VAPB: variants seen among roughly 807,000 people sequenced by gnomAD.
The protein encoded by VAPB is vesicle-associated membrane protein-associated protein B/C.
In VAPB, 7 loss-of-function variants were observed where a neutral mutation model predicts 25.6. That is an observed-to-expected ratio of 0.27 (90% confidence interval 0.16 to 0.51). VAPB has a LOEUF of 0.51. VAPB is among the 20% of genes least tolerant of loss of function. The pLI, the probability that VAPB is intolerant of heterozygous loss-of-function variation, is 0.97. For synonymous variants in VAPB, 112 were observed against 109.2 expected (o/e 1.03, Z -0.16); for missense variants, 266 against 301.3 (o/e 0.88, Z 0.87).
intron 3 of VAPB, among the ~76,000 whole-genome samples, chr20:58,436,094 C>T (rs1184646224): frequency 6.6e-6 from 1 of 151,986 alleles, no homozygotes; most frequent in African/African-American, 2.4e-5. Flanking sequence ...CTGGTGGGTC[C>T]AGTGTCTGAC....
At chr20:58,413,139 C>CTTTTTTTTTTTTTT (rs11481028) in intron 1 of VAPB, among the ~76,000 whole-genome samples, 1 of 132,588 alleles carries the variant, frequency 7.5e-6, no homozygotes, top group African/African-American at 2.8e-5. Flanking sequence ...TATTTGCCTT[C>CTTTTTTTTTTTTTT]TTTTTTTTTT....
At chr20:58,397,307 G>A (rs1032133116) in intron 1 of VAPB, among the ~76,000 whole-genome samples, 4 of 151,918 alleles carry the variant, frequency 2.6e-5, no homozygotes. Context: ...ATCAACTGAG[G>A]TCAGGAGTTC....
At position 58,445,941 on chromosome 20, in the gene VAPB, G is replaced by A; in HGVS notation, c.*1706G>A. The A allele has an allele frequency of 2.2e-6, 1 of 454,088 alleles. No individual in the cohort carries two copies. The allele number at this position is 454,088 out of a possible 1,614,324, so 28.1% of individuals were successfully genotyped here. A position where few individuals can be genotyped will look rare whatever the true frequency, so the allele number is the denominator to read the frequency against. ...GGACAAGTTCATCAGAAGGAAGGCA[G>A]TCCTTAGAAGTCACATACGTTGAGC... On this transcript the variant is annotated 3_prime_UTR_variant, in exon 6 of 6. Coordinates refer to ENST00000475243, the MANE Select transcript of VAPB (RefSeq NM_004738.5).
chr20:58,391,553 G>A (rs1447724578), intron 1 of VAPB, among the ~76,000 whole-genome samples: 1 of 150,924 alleles, frequency 6.6e-6, no homozygotes, highest in Non-Finnish European at 1.5e-5. Context: ...TTTTTTTTGA[G>A]ATAGAGTTCT....
intron 2 of VAPB, among the ~76,000 whole-genome samples, chr20:58,433,767 C>T (rs964722297): frequency 6.6e-6 from 1 of 152,244 alleles, no homozygotes; most frequent in African/African-American, 2.4e-5. Flanking sequence ...TCAGTCCATG[C>T]CCACTGTTGT....
At chr20:58,416,392 T>C (rs997084097) in intron 1 of VAPB, among the ~76,000 whole-genome samples, 1 of 70,534 alleles carries the variant, frequency 1.4e-5, no homozygotes, top group Non-Finnish European at 3.2e-5. Flanking sequence ...ATACTTAAAT[T>C]TGGGATCCTC....
intron 1 of VAPB, among the ~76,000 whole-genome samples, chr20:58,398,435 CTGAT>C (rs1988015081): frequency 6.6e-6 from 1 of 152,178 alleles, no homozygotes; most frequent in South Asian, 2.1e-4. Context: ...GAGCGTGACT[CTGAT>C]TGAGATTTGG....
chr20:58,441,774 G>A (rs1403340837), intron 5 of VAPB, among the ~76,000 whole-genome samples: 3 of 152,220 alleles, frequency 2.0e-5, no homozygotes, highest in African/African-American at 7.2e-5. Context: ...TCTTTTTTCA[G>A]AGAGTGAATA....
intron 2 of VAPB, among the ~76,000 whole-genome samples, chr20:58,418,577 G>C (rs1158414921): frequency 1.4e-5 from 2 of 146,788 alleles, no homozygotes; most frequent in African/African-American, 5.0e-5. Flanking sequence ...ATGCCTCCTT[G>C]TTTCAAAGCT....
At position 58,446,534 on chromosome 20, in the gene VAPB, TAAAAAG is replaced by T. The variant is rs1357081210; in HGVS notation, c.*2302_*2307del. 2.0e-5 allele frequency: 9 copies of T among 453,824 alleles called. No homozygotes were observed. Among genetic ancestry groups the T allele is most frequent in the Non-Finnish European group, 3.5e-5 (8 of 226,724 alleles). 28.1% of individuals were successfully genotyped at this position (453,824 alleles called of 1,614,324 possible). A position where few individuals can be genotyped will look rare whatever the true frequency, so the allele number is the denominator to read the frequency against. On this transcript the variant is annotated 3_prime_UTR_variant, in exon 6 of 6. Transcript: ENST00000475243. ...TGGCTTGTGAGTCTGTAACAGTTCT[TAAAAAG>T]AATATCTGAGAAACTACTCTGTTTT...
intron 1 of VAPB, among the ~76,000 whole-genome samples, 181 bp from the exon 2 acceptor site, chr20:58,418,030 G>A (rs530729054): frequency 4.6e-5 from 7 of 152,320 alleles, no homozygotes; most frequent in African/African-American, 1.4e-4. Flanking sequence ...TGGGAACATG[G>A]TAAATATTAG....
chr20:58,401,285 C>T (rs1175877834), intron 1 of VAPB, among the ~76,000 whole-genome samples: 1 of 152,136 alleles, frequency 6.6e-6, no homozygotes, highest in East Asian at 1.9e-4. Context: ...TGAGTATTGT[C>T]CCTTCCACCT....
chr20:58,389,751 C>G (rs1001547069), intron 1 of VAPB, among the ~76,000 whole-genome samples: 3 of 152,218 alleles, frequency 2.0e-5, no homozygotes, highest in African/African-American at 7.2e-5. Context: ...CCTCCCCGAC[C>G]CCCAGCCTCC....
Position 58,448,475 on chromosome 20 carries a change from G to T in VAPB, c.*4240G>T, listed in dbSNP as rs554043472. The T allele has an allele frequency of 4.4e-6, 2 of 453,958 alleles. No individual in the cohort carries two copies. Among genetic ancestry groups the T allele is most frequent in the Non-Finnish European group, 4.4e-6 (1 of 226,786 alleles). 28.1% of individuals were successfully genotyped at this position (453,958 alleles called of 1,614,324 possible). A position where few individuals can be genotyped will look rare whatever the true frequency, so the allele number is the denominator to read the frequency against. ...ACTTAATCCTTGCAACTGTGACTGG[G>T]GGGTAGATGGCTCTGTTTGCATACG... On this transcript the variant is annotated 3_prime_UTR_variant, in exon 6 of 6. Transcript: ENST00000475243.
At chr20:58,443,165 C>G (rs530351710) in intron 5 of VAPB, among the ~76,000 whole-genome samples, 1 of 151,768 alleles carries the variant, frequency 6.6e-6, no homozygotes. Context: ...AGTTTGGGGA[C>G]AAGGGGAGGG....
intron 1 of VAPB, among the ~76,000 whole-genome samples, chr20:58,409,075 G>A (rs1308241048): frequency 6.6e-6 from 1 of 152,188 alleles, no homozygotes; most frequent in African/African-American, 2.4e-5. Flanking sequence ...CAGCCATTGT[G>A]TGAAGTAGAT....
chr20:58,395,624 A>G (rs1164493448), intron 1 of VAPB, among the ~76,000 whole-genome samples: 1 of 152,244 alleles, frequency 6.6e-6, no homozygotes, highest in Non-Finnish European at 1.5e-5. Flanking sequence ...AAAATAAAAC[A>G]AAAGCCTTTT....
At chr20:58,393,785 T>C (rs1466059726) in intron 1 of VAPB, among the ~76,000 whole-genome samples, 3 of 152,114 alleles carry the variant, frequency 2.0e-5, no homozygotes, top group Non-Finnish European at 4.4e-5. Flanking sequence ...CAGGCTGGAG[T>C]GCAATGGCGC....
chr20:58,439,195 C>G, intron 4 of VAPB, 170 bp downstream of exon 4: 1 of 651,366 alleles, frequency 1.5e-6, no homozygotes, highest in East Asian at 2.8e-5. Context: ...ATGAAATCAG[C>G]CTTTGAAAAA....
Sources: gnomAD v4.1 joint callset for allele counts (sites outside exome capture counted in the v4.1 genomes callset) on GRCh38, gnomAD v4.1.1 for gene constraint, MANE v1.5 for transcripts, NCBI Gene and HGNC (gene_info 2026-07-23, HGNC 2026-07-21) for gene names.